The following EIF4E variants were observed in gnomAD, a reference collection of about 807,000 sequenced individuals.
EIF4E encodes eukaryotic translation initiation factor 4E.
For missense variants in EIF4E, 113 were observed against 265.6 expected (o/e 0.43, Z 3.99); for synonymous variants, 71 against 88.5 (o/e 0.80, Z 1.11).
At chr4:98,883,129 T>C (rs72692629) in intron 6 of EIF4E, among the ~76,000 whole-genome samples, 5,967 of 151,972 alleles carry the variant, frequency 0.039, 163 homozygotes, top group Non-Finnish European at 0.062. Context: ...CTACAAAAAC[T>C]ACTGCAGTGG....
intron 1 of EIF4E, among the ~76,000 whole-genome samples, chr4:98,907,720 T>C (rs919989968): frequency 2.6e-5 from 4 of 152,210 alleles, no homozygotes; most frequent in Admixed American, 2.6e-4. Context: ...AAGATGAGTA[T>C]GATAGGAGAA....
intron 1 of EIF4E, chr4:98,903,523 T>C (rs1724736545): frequency 2.2e-6 from 1 of 454,804 alleles, no homozygotes; most frequent in Non-Finnish European, 4.4e-6. Flanking sequence ...TTTTTATTTT[T>C]AGTAGAGACA....
In EIF4E at chr4:98,884,410, CAT is replaced by C. The variant is rs538659370; in HGVS notation, c.539+510_539+511del. ...AAAGCAATTTTACAGAAATAAAAAA[CAT>C]ATGAAAAAGGCCAGGCGCAGTGGCT... On this transcript the variant is annotated intron_variant, in intron 6 of 6. Coordinates refer to ENST00000450253, the MANE Select transcript of EIF4E (RefSeq NM_001968.5). Among the ~76,000 whole-genome samples, 360 of 152,122 alleles carry C rather than the reference CAT, an allele frequency of 2.4e-3. 2 individuals are homozygous for C. Among genetic ancestry groups the C allele is most frequent in the Non-Finnish European group, 2.5e-3 (167 of 67,982 alleles).
intron 1 of EIF4E, among the ~76,000 whole-genome samples, chr4:98,917,311 T>C (rs895357840): frequency 1.8e-4 from 27 of 152,056 alleles, no homozygotes; most frequent in Non-Finnish European, 1.0e-4. Flanking sequence ...CAGAGCAGCA[T>C]ATTCCCAAAG....
chr4:98,891,576 A>C, intron 2 of EIF4E: 1 of 501,218 alleles, frequency 2.0e-6, no homozygotes, highest in Non-Finnish European at 3.5e-6. Flanking sequence ...AAAAAGACAA[A>C]TACTGTATGA....
At chr4:98,915,642 G>A (rs1019851984) in intron 1 of EIF4E, among the ~76,000 whole-genome samples, 3 of 151,280 alleles carry the variant, frequency 2.0e-5, no homozygotes, top group African/African-American at 7.3e-5. Flanking sequence ...CCAGGTTCAA[G>A]CAATTCTCCT....
chr4:98,903,505 C>T (rs1295999479), intron 1 of EIF4E: 1 of 455,380 alleles, frequency 2.2e-6, no homozygotes, highest in Admixed American at 2.4e-5. Flanking sequence ...TGATACCTGG[C>T]TAATTCTTTT....
At chr4:98,911,925 A>T (rs1725160494) in intron 1 of EIF4E, among the ~76,000 whole-genome samples, 1 of 151,376 alleles carries the variant, frequency 6.6e-6, no homozygotes, top group African/African-American at 2.4e-5. Context: ...TATTTAAACC[A>T]AAGGCTACCA....
intron 3 of EIF4E, among the ~76,000 whole-genome samples, chr4:98,888,930 G>A (rs1216023978): frequency 6.6e-6 from 1 of 152,176 alleles, no homozygotes; most frequent in East Asian, 1.9e-4. Context: ...GGAGGCCGAG[G>A]CAGGTGGATC....
intron 6 of EIF4E, among the ~76,000 whole-genome samples, chr4:98,884,449 T>C (rs1723827043): frequency 6.6e-6 from 1 of 152,170 alleles, no homozygotes; most frequent in Admixed American, 6.5e-5. Context: ...ATGCCTGTAA[T>C]GATAGCACTT....
intron 3 of EIF4E, chr4:98,890,946 A>G: frequency 2.3e-6 from 1 of 431,950 alleles, no homozygotes; most frequent in Admixed American, 4.0e-5. Context: ...GGCAACCAGG[A>G]GTGGAACAAG....
intron 6 of EIF4E, among the ~76,000 whole-genome samples, chr4:98,881,484 T>C (rs561904506): frequency 6.6e-6 from 1 of 152,272 alleles, no homozygotes; most frequent in South Asian, 2.1e-4. Context: ...GCTGACTGCA[T>C]TTATAGTCTA....
At chr4:98,899,327 T>C (rs1016533426) in intron 2 of EIF4E, among the ~76,000 whole-genome samples, 2 of 152,182 alleles carry the variant, frequency 1.3e-5, no homozygotes, top group African/African-American at 4.8e-5. Flanking sequence ...ATGAAAATAT[T>C]TTGAAACTTC....
chr4:98,910,024 T>A, intron 1 of EIF4E: 1 of 349,278 alleles, frequency 2.9e-6, no homozygotes. Flanking sequence ...TCTTACCACC[T>A]GTCTTGTAAG....
At chr4:98,902,864 CA>C (rs138985985) in intron 1 of EIF4E, among the ~76,000 whole-genome samples, 2,752 of 152,094 alleles carry the variant, frequency 0.018, 75 homozygotes, top group African/African-American at 0.062. Flanking sequence ...CAAAACAAAA[CA>C]ACATTATGAT....
chr4:98,919,342 A>AC (rs1415118085), intron 1 of EIF4E, among the ~76,000 whole-genome samples: 3 of 146,794 alleles, frequency 2.0e-5, no homozygotes, highest in Non-Finnish European at 4.6e-5. Flanking sequence ...CAAAAAAAAA[A>AC]AAAACAAAAA....
intron 3 of EIF4E, 193 bp downstream of exon 3, chr4:98,891,044 G>A: frequency 1.6e-6 from 1 of 636,118 alleles, no homozygotes; most frequent in Non-Finnish European, 2.8e-6. Context: ...TTGGGGCTGG[G>A]GGATGACAAG....
At chr4:98,881,423 T>C (rs576392381) in intron 6 of EIF4E, among the ~76,000 whole-genome samples, 58 of 151,828 alleles carry the variant, frequency 3.8e-4, no homozygotes, top group African/African-American at 1.3e-3. Context: ...TTTATTATGA[T>C]ACTATAATTA....
chr4:98,924,354 G>C (rs1343070369), intron 1 of EIF4E, among the ~76,000 whole-genome samples: 16 of 151,896 alleles, frequency 1.1e-4, no homozygotes, highest in Non-Finnish European at 2.1e-4. Context: ...TGGGATTACA[G>C]GCATGAGCCA....
Sources: allele counts gnomAD v4.1 joint callset (sites outside exome capture counted in the v4.1 genomes callset), GRCh38; gene constraint gnomAD v4.1.1; transcripts MANE v1.5; gene names NCBI Gene and HGNC (gene_info 2026-07-23, HGNC 2026-07-21).